The following NT5DC1 variants were observed in gnomAD, a reference collection of about 807,000 sequenced individuals.
NT5DC1 encodes 5'-nucleotidase domain-containing protein 1.
Under a neutral mutation model 59.4 loss-of-function variants are expected in NT5DC1, and 42 were observed. That is an observed-to-expected ratio of 0.71 (90% CI 0.55 to 0.92). The LOEUF (loss-of-function observed/expected upper bound fraction) is 0.92, where lower values mean the gene tolerates loss of function less well. NT5DC1 is among the 40% of genes least tolerant of loss of function. The pLI, the probability that NT5DC1 is intolerant of heterozygous loss-of-function variation, is 0.00. For missense variants in NT5DC1, 501 were observed against 537.1 expected (o/e 0.93, Z 0.66); for synonymous variants, 172 against 188.1 (o/e 0.91, Z 0.70).
At position 116,238,359 on chromosome 6, in the gene NT5DC1, C is replaced by T; in HGVS notation, c.1083+11C>T. The stretch of plus-strand genomic sequence containing the variant: ...AAAGGAAAATATGAGGTAAGGGTTC[C>T]CTGCAGCTCTTTCCTTGAAAGACAA... On this transcript the variant is annotated intron_variant, in intron 10 of 11. Coordinates refer to ENST00000319550, the MANE Select transcript of NT5DC1 (RefSeq NM_152729.3). 1.9e-6 allele frequency: 3 copies of T among 1,543,724 alleles called. No homozygotes were observed. Among genetic ancestry groups the T allele is most frequent in the Non-Finnish European group, 2.6e-6 (3 of 1,149,076 alleles).
At chr6:116,238,532 C>T (rs1025153770) in intron 10 of NT5DC1, among the ~76,000 whole-genome samples, 184 bp downstream of exon 10, 1 of 150,612 alleles carries the variant, frequency 6.6e-6, no homozygotes, top group Non-Finnish European at 1.5e-5. Flanking sequence ...ACTTCATGTT[C>T]CATTTGTATT....
chr6:116,185,110 C>A (rs9387387), intron 6 of NT5DC1, among the ~76,000 whole-genome samples: 2 of 152,110 alleles, frequency 1.3e-5, no homozygotes, highest in East Asian at 3.9e-4. Flanking sequence ...ATCTTGAGTT[C>A]ATTGTTGATC....
At chr6:116,174,975 T>A (rs1340069119) in intron 6 of NT5DC1, among the ~76,000 whole-genome samples, 1 of 152,202 alleles carries the variant, frequency 6.6e-6, no homozygotes, top group Admixed American at 6.5e-5. Context: ...ATTAGGTTAT[T>A]GAATGACCAT....
At chr6:116,133,868 G>A (rs1425695142) in intron 6 of NT5DC1, among the ~76,000 whole-genome samples, 3 of 152,106 alleles carry the variant, frequency 2.0e-5, no homozygotes, top group Non-Finnish European at 4.4e-5. Flanking sequence ...TGGGAAAAAT[G>A]TAACAAATAG....
intron 9 of NT5DC1, 116 bp from the exon 10 acceptor site, chr6:116,238,071 C>A: frequency 1.6e-6 from 1 of 636,366 alleles, no homozygotes; most frequent in Non-Finnish European, 2.6e-6. Context: ...GATGTTTATG[C>A]AATTTTTGAT....
chr6:116,125,875 A>T (rs2114310838), intron 6 of NT5DC1: 1 of 206,264 alleles, frequency 4.8e-6, no homozygotes, highest in Non-Finnish European at 9.9e-6. Flanking sequence ...ATATGGTTTT[A>T]TTGGGACTAT....
At chr6:116,118,188 G>A (rs530218542) in intron 6 of NT5DC1, 72 of 477,664 alleles carry the variant, frequency 1.5e-4, no homozygotes, top group Admixed American at 1.2e-3. Flanking sequence ...CGCCTGCCAC[G>A]AGGGTCATTC....
At chr6:116,199,393 A>G (rs968927507) in intron 6 of NT5DC1, among the ~76,000 whole-genome samples, 4 of 152,094 alleles carry the variant, frequency 2.6e-5, no homozygotes, top group Non-Finnish European at 5.9e-5. Context: ...TTATTCCAAC[A>G]CTGCTATTAT....
At chr6:116,137,664 A>G (rs1779645183) in intron 6 of NT5DC1, 1 of 183,328 alleles carries the variant, frequency 5.5e-6, no homozygotes, top group Non-Finnish European at 1.2e-5. Context: ...AGCCATCAAC[A>G]GACACTTAGA....
chr6:116,133,555 C>G (rs1027582906), intron 6 of NT5DC1, among the ~76,000 whole-genome samples: 3 of 152,178 alleles, frequency 2.0e-5, no homozygotes, highest in African/African-American at 7.2e-5. Flanking sequence ...TGTGGCAACA[C>G]AGACCACCAA....
At chr6:116,209,170 A>G (rs1781522101) in intron 6 of NT5DC1, among the ~76,000 whole-genome samples, 1 of 152,026 alleles carries the variant, frequency 6.6e-6, no homozygotes, top group African/African-American at 2.4e-5. Flanking sequence ...ACATATCAGG[A>G]TTCAGCAAAC....
intron 6 of NT5DC1, among the ~76,000 whole-genome samples, chr6:116,189,900 A>G (rs758410589): frequency 1.5e-4 from 23 of 151,970 alleles, no homozygotes; most frequent in Non-Finnish European, 2.9e-4. Context: ...TGCTATATGT[A>G]TGTTTTTGCC....
At chr6:116,194,096 A>G (rs1302852426) in intron 6 of NT5DC1, among the ~76,000 whole-genome samples, 1 of 152,006 alleles carries the variant, frequency 6.6e-6, no homozygotes, top group Non-Finnish European at 1.5e-5. Flanking sequence ...ATAAAGTAAA[A>G]GCAATTAGGA....
intron 6 of NT5DC1, among the ~76,000 whole-genome samples, chr6:116,142,480 T>G (rs954973689): frequency 5.3e-5 from 8 of 152,222 alleles, no homozygotes; most frequent in Non-Finnish European, 1.2e-4. Context: ...TAAAACATGT[T>G]AAATGAATTT....
rs1771808465 is a variant in NT5DC1, at chr6:116,244,721, G to A, written c.*697G>A. 1 of 152,068 alleles carries A rather than the reference G, an allele frequency of 6.6e-6. No individual in the cohort carries two copies. Among genetic ancestry groups the A allele is most frequent in the South Asian group, 2.1e-4 (1 of 4,814 alleles). The allele number at this position is 152,068 out of a possible 1,614,324, so 9.4% of individuals were successfully genotyped here. A position where few individuals can be genotyped will look rare whatever the true frequency, so the allele number is the denominator to read the frequency against. On this transcript the variant is annotated 3_prime_UTR_variant, in exon 12 of 12. Transcript: ENST00000319550. Reference sequence around the variant, plus strand: ...CTATGAGGTTTTATGCTATTCCTGTGTTCTCCAAAACAAGAAAATAAAAAG... The same window carrying A: ...CTATGAGGTTTTATGCTATTCCTGTATTCTCCAAAACAAGAAAATAAAAAG...
chr6:116,113,620 C>T (rs1449670942), intron 4 of NT5DC1, among the ~76,000 whole-genome samples: 1 of 152,190 alleles, frequency 6.6e-6, no homozygotes, highest in African/African-American at 2.4e-5. Flanking sequence ...GTCCACACAG[C>T]GGACATTCAG....
At chr6:116,191,830 A>C (rs996774787) in intron 6 of NT5DC1, among the ~76,000 whole-genome samples, 2 of 152,048 alleles carry the variant, frequency 1.3e-5, no homozygotes, top group African/African-American at 2.4e-5. Context: ...CCCAAACCTT[A>C]AGGCTGCCTG....
intron 6 of NT5DC1, among the ~76,000 whole-genome samples, chr6:116,210,709 A>G (rs867258575): frequency 6.6e-6 from 1 of 151,902 alleles, no homozygotes; most frequent in Non-Finnish European, 1.5e-5. Context: ...AATCTATTTT[A>G]AAAGTGATAT....
Position 116,115,677 on chromosome 6 carries a change from T to C in NT5DC1, c.365-14T>C, listed in dbSNP as rs761949636. 3.6e-6 allele frequency: 5 copies of C among 1,404,210 alleles called. 1 individual carries two copies. The South Asian group carries it at 5.8e-5, about 16-fold the overall frequency. 87.0% of individuals were successfully genotyped at this position (1,404,210 alleles called of 1,614,324 possible). Reference sequence around the variant, plus strand: ...ATTATGTTGTTCCCAGTTTAAAATTTTGTTCTTTTTTAGGAAAGTATTACT... The same window carrying C: ...ATTATGTTGTTCCCAGTTTAAAATTCTGTTCTTTTTTAGGAAAGTATTACT... On this transcript the variant is annotated splice_polypyrimidine_tract_variant and intron_variant, in intron 4 of 11. Transcript: ENST00000319550.
Sources: allele counts gnomAD v4.1 joint callset (sites outside exome capture counted in the v4.1 genomes callset), GRCh38; gene constraint gnomAD v4.1.1; transcripts MANE v1.5; gene names NCBI Gene and HGNC (gene_info 2026-07-23, HGNC 2026-07-21).